STK32B: variants seen among roughly 807,000 people sequenced by gnomAD.
STK32B encodes the protein serine/threonine-protein kinase 32B.
In STK32B, 43 loss-of-function variants were observed where a neutral mutation model predicts 52.6. The observed-to-expected ratio is 0.82, with a 90% CI of 0.64 to 1.05. The LOEUF (loss-of-function observed/expected upper bound fraction) is 1.05. STK32B is among the 50% of genes least tolerant of loss of function. STK32B has a pLI of 0.00. For missense variants in STK32B, 621 were observed against 534.6 expected (o/e 1.16, Z -1.59); for synonymous variants, 238 against 204.3 (o/e 1.17, Z -1.41).
chr4:5,375,791 G>A (rs1473211022), intron 4 of STK32B, among the ~76,000 whole-genome samples: 3 of 152,268 alleles, frequency 2.0e-5, no homozygotes, highest in African/African-American at 7.2e-5. Flanking sequence ...GTAGAAAGTT[G>A]ATGGGTCAGT....
At chr4:5,274,255 A>C (rs1727653714) in intron 3 of STK32B, among the ~76,000 whole-genome samples, 1 of 152,256 alleles carries the variant, frequency 6.6e-6, no homozygotes, top group Non-Finnish European at 1.5e-5. Context: ...ACAGTAATCA[A>C]GACAGTGTAG....
intron 3 of STK32B, among the ~76,000 whole-genome samples, chr4:5,288,890 G>A (rs1373828416): frequency 6.6e-6 from 1 of 152,132 alleles, no homozygotes. Flanking sequence ...TTATGTTTAG[G>A]TCTATGATTT....
At chr4:5,447,003 G>C in intron 7 of STK32B, 1 of 480,690 alleles carries the variant, frequency 2.1e-6, no homozygotes, top group Non-Finnish European at 3.8e-6. Flanking sequence ...GTGGGGGAGG[G>C]TCTTACACAA....
intron 3 of STK32B, among the ~76,000 whole-genome samples, chr4:5,246,258 A>C (rs911551228): frequency 6.6e-6 from 1 of 152,218 alleles, no homozygotes; most frequent in East Asian, 1.9e-4. Context: ...ATTTCTTGGA[A>C]GCTTTGTTCA....
intron 2 of STK32B, among the ~76,000 whole-genome samples, chr4:5,159,595 ATG>A (rs2108721549): frequency 8.0e-6 from 1 of 124,620 alleles, no homozygotes; most frequent in East Asian, 2.1e-4. Context: ...ATGAATATAT[ATG>A]AATATATATA....
chr4:5,449,613 C>T (rs547901491), intron 7 of STK32B, among the ~76,000 whole-genome samples: 61 of 152,148 alleles, frequency 4.0e-4, no homozygotes, highest in African/African-American at 1.2e-3. Context: ...AGGAACTGGC[C>T]GCACAGCAGA....
chr4:5,431,551 A>G (rs554754802), intron 6 of STK32B, among the ~76,000 whole-genome samples: 43 of 152,144 alleles, frequency 2.8e-4, no homozygotes, highest in Non-Finnish European at 6.0e-4. Context: ...CACATTTAAC[A>G]TGAAGTAGCT....
At chr4:5,254,275 T>G (rs1420591277) in intron 3 of STK32B, among the ~76,000 whole-genome samples, 2 of 152,188 alleles carry the variant, frequency 1.3e-5, no homozygotes, top group Non-Finnish European at 2.9e-5. Context: ...TTGTGTTTTT[T>G]TCCTATTTTC....
chr4:5,494,338 C>T lies in STK32B; in HGVS notation c.1107-4607C>T, dbSNP rs868063592. Among the ~76,000 whole-genome samples, 32 of 151,482 alleles carry T rather than the reference C, an allele frequency of 2.1e-4. No individual in the cohort carries two copies. In the South Asian group the frequency reaches 2.3e-3, roughly 11 times the overall value. The stretch of plus-strand genomic sequence containing the variant: ...GATCCCTTTACCATTATGTAATGGC[C>T]TTGTCTCTTTTGATCTTTGTTGGTT... On this transcript the variant is annotated intron_variant, in intron 11 of 11. Transcript: ENST00000282908.
At chr4:5,037,637 A>C in the STK32B span, among the ~76,000 whole-genome samples, 1 of 152,182 alleles carries the variant, frequency 6.6e-6, no homozygotes, top group Non-Finnish European at 1.5e-5. Flanking sequence ...GGGCTCTGAC[A>C]AATGAACTTC....
chr4:5,102,469 CTT>C (rs1713846459), intron 1 of STK32B, among the ~76,000 whole-genome samples: 1 of 132,034 alleles, frequency 7.6e-6, no homozygotes, highest in Non-Finnish European at 1.6e-5. Context: ...TCCTTCCTTC[CTT>C]CCTTCCTTCC....
At position 5,499,119 on chromosome 4, in the gene STK32B, G is replaced by A. The variant is rs372068739; in HGVS notation, c.*36G>A. The A allele has an allele frequency of 1.6e-5, 25 of 1,567,998 alleles. No homozygotes were observed. Among genetic ancestry groups the A allele is most frequent in the South Asian group, 5.9e-5 (5 of 84,646 alleles). ...GTTGCTGCTCAACAGGACTGCACTCGTCTCTGCCCTGCCCACCCAGAGCCC... is the reference window on the plus strand; with the variant it reads ...GTTGCTGCTCAACAGGACTGCACTCATCTCTGCCCTGCCCACCCAGAGCCC... On this transcript the variant is annotated 3_prime_UTR_variant, in exon 12 of 12. Transcript: ENST00000282908.
rs529178625 is a variant in STK32B at position 5,223,252 on chromosome 4, A to G, written c.260+54802A>G. Reference sequence around the variant, plus strand: ...ACTTTTTCCACCTAGATTTCAAAGAATGTCTCAGAGTCCTGAGACTCAGGC... The same window carrying G: ...ACTTTTTCCACCTAGATTTCAAAGAGTGTCTCAGAGTCCTGAGACTCAGGC... On this transcript the variant is annotated intron_variant, in intron 3 of 11. Coordinates refer to ENST00000282908, the MANE Select transcript of STK32B (RefSeq NM_018401.3). Among the ~76,000 whole-genome samples the G allele has an allele frequency of 2.6e-5, 4 of 152,314 alleles. No individual in the cohort carries two copies. The South Asian group carries it at 6.2e-4, about 24-fold the overall frequency.
chr4:5,492,539 C>A (rs1029901889), intron 11 of STK32B, among the ~76,000 whole-genome samples: 4 of 151,646 alleles, frequency 2.6e-5, no homozygotes, highest in African/African-American at 9.7e-5. Flanking sequence ...AATTTGACTT[C>A]CTCTTTTCCT....
intron 3 of STK32B, among the ~76,000 whole-genome samples, chr4:5,322,594 G>A (rs73211136): frequency 0.032 from 4,826 of 152,342 alleles, 113 homozygotes; most frequent in South Asian, 0.046. Context: ...GGAAGAAGAA[G>A]TGGAGAAAGG....
At chr4:5,293,732 G>A (rs1480630756) in intron 3 of STK32B, among the ~76,000 whole-genome samples, 8 of 152,044 alleles carry the variant, frequency 5.3e-5, no homozygotes, top group Non-Finnish European at 1.0e-4. Context: ...CTCCCATTCC[G>A]TAGGTTGCCT....
At chr4:5,132,794 C>G (rs1232244290) in intron 1 of STK32B, among the ~76,000 whole-genome samples, 1 of 151,862 alleles carries the variant, frequency 6.6e-6, no homozygotes, top group Non-Finnish European at 1.5e-5. Context: ...ATAGAATTTA[C>G]CACTTTTTTT....
chr4:5,483,529 C>A (rs1718896549), intron 11 of STK32B, among the ~76,000 whole-genome samples: 1 of 151,938 alleles, frequency 6.6e-6, no homozygotes, highest in Non-Finnish European at 1.5e-5. Flanking sequence ...TGACCTTTTC[C>A]AAAAACCAGC....
At chr4:5,164,230 A>C (rs1162198158) in intron 2 of STK32B, among the ~76,000 whole-genome samples, 1 of 152,104 alleles carries the variant, frequency 6.6e-6, no homozygotes, top group Non-Finnish European at 1.5e-5. Flanking sequence ...AGAGGCTCTG[A>C]AGGTGGGTCT....
Sources: gnomAD v4.1 joint callset for allele counts (sites outside exome capture counted in the v4.1 genomes callset) on GRCh38, gnomAD v4.1.1 for gene constraint, MANE v1.5 for transcripts, NCBI Gene and HGNC (gene_info 2026-07-23, HGNC 2026-07-21) for gene names.